Variants in IGFN1 observed in about 807,000 individuals in gnomAD.
IGFN1 encodes immunoglobulin like and fibronectin type III domain containing 1.
In IGFN1, 253 loss-of-function variants were observed where a neutral mutation model predicts 289.5. That is an observed-to-expected ratio of 0.87 (90% CI 0.79 to 0.97). IGFN1 has a LOEUF of 0.97. Ranked by LOEUF, IGFN1 falls within the 50% of genes least tolerant of loss-of-function variation. The pLI is 0.00. For synonymous variants in IGFN1, 1,706 were observed against 1,788.5 expected, an observed-to-expected ratio of 0.95 and a Z score of 1.16; for missense variants, 4,470 against 4,686.1, an observed-to-expected ratio of 0.95 and a Z score of 1.35.
At chr1:201,204,292 G>C (rs2102329677) in intron 10 of IGFN1, among the ~76,000 whole-genome samples, 1 of 152,324 alleles carries the variant, frequency 6.6e-6, no homozygotes, top group African/African-American at 2.4e-5. Flanking sequence ...CTCTGGGTTA[G>C]GCATCCTCAC....
rs552898000 is a variant in IGFN1, at chr1:201,220,899, G to A, written c.9899-545G>A. On this transcript the variant is annotated intron_variant, in intron 18 of 23. Transcript: ENST00000335211. The stretch of plus-strand genomic sequence containing the variant: ...TAAGCTCACCAGGTGATTCCAACGT[G>A]CAGCCAGACTTGAGGGCCAGAGCCC... Among the ~76,000 whole-genome samples, 45 of 152,308 alleles carry A rather than the reference G, an allele frequency of 3.0e-4. 2 individuals are homozygous for A. The highest frequency in any genetic ancestry group is 1.0e-3 in the African/African-American group (42 of 41,558).
intron 9 of IGFN1, among the ~76,000 whole-genome samples, chr1:201,202,363 A>G (rs141287777): frequency 7.3e-4 from 111 of 152,264 alleles, no homozygotes; most frequent in Non-Finnish European, 1.2e-3. Context: ...ACTGGGGATA[A>G]TATAGGACCT....
Position 201,207,301 on chromosome 1 carries a change from C to G in IGFN1, c.2408C>G (p.Ser803Trp). The G allele has an allele frequency of 6.5e-7, 1 of 1,536,636 alleles. No individual in the cohort carries two copies. The highest frequency in any genetic ancestry group is 1.7e-4 in the Middle Eastern group (1 of 5,990). ...GATGGCCAGGAAACAGCTTGGGCCT[C>G]GGGTGAGGTAGAGTATGACCCCAGA... ...GRDGQETAWA[S>W]GEVEYDPRSF... Residue 803 changes from serine (S) to tryptophan (W), a missense_variant, in exon 12 of 24, where the codon TCG (serine) becomes TGG (tryptophan). Physicochemically the swap from Ser to Trp is radical, Grantham distance 177. Transcript: ENST00000335211.
At chr1:201,217,075 C>T (rs1466922955) in intron 16 of IGFN1, among the ~76,000 whole-genome samples, 2 of 152,136 alleles carry the variant, frequency 1.3e-5, no homozygotes, top group African/African-American at 4.8e-5. Flanking sequence ...TGGTTCTAGG[C>T]TCCGAGGCTG....
chr1:201,200,457 A>C, intron 8 of IGFN1, 46 bp downstream of exon 8: 2 of 1,473,812 alleles, frequency 1.4e-6, no homozygotes, highest in Non-Finnish European at 9.3e-7. Context: ...CACCCCACAC[A>C]CCTGGACCAT....
intron 12 of IGFN1, among the ~76,000 whole-genome samples, chr1:201,213,931 G>A (rs575154024): frequency 6.6e-6 from 1 of 152,148 alleles, no homozygotes; most frequent in African/African-American, 2.4e-5. Flanking sequence ...GTGGCGGGGG[G>A]GCCCTTCATA....
intron 23 of IGFN1, 22 bp from the exon 24 acceptor site, chr1:201,228,364 T>G: frequency 6.2e-7 from 1 of 1,613,742 alleles, no homozygotes; most frequent in Non-Finnish European, 8.5e-7. Flanking sequence ...CTGAACCAAC[T>G]GGAATATCCT....
chr1:201,195,781 G>T, intron 3 of IGFN1, 58 bp from the exon 4 acceptor site: 1 of 1,493,152 alleles, frequency 6.7e-7, no homozygotes. Context: ...TTTAAATAAA[G>T]TATACAGTCA....
Position 201,207,073 on chromosome 1 carries a change from TC to T in IGFN1, c.2182del (p.Gln728ArgfsTer38), listed in dbSNP as rs1558141676. 6.5e-7 allele frequency: 1 copy of T among 1,536,936 alleles called. No individual in the cohort carries two copies. On this transcript the variant is annotated frameshift_variant, in exon 12 of 24. Transcript: ENST00000335211. LOFTEE classifies it high-confidence loss of function. The part of the protein sequence containing the change: ...LLEQIPGGKD[F>X]QEPSISGGRK... ...GAACAGATACCTGGAGGCAAGGACTTCCAGGAACCATCAATATCAGGTGGTA... is the reference window on the plus strand; with the variant it reads ...GAACAGATACCTGGAGGCAAGGACTTCAGGAACCATCAATATCAGGTGGTA...
chr1:201,222,816 G>A lies in IGFN1; in HGVS notation c.10279G>A (p.Val3427Ile), dbSNP rs114765060. 2.3e-4 allele frequency: 371 copies of A among 1,612,184 alleles called. No homozygotes were observed. The African/African-American group carries it at 3.6e-3, about 16-fold the overall frequency. ...GGTCGGGGACACAGTTCGTGTGCCC[G>A]TCTCCTTTGAAGTGAGTGTACCTGC... Reference protein sequence around the residue: ...VKVGDTVRVPVSFEAMPMPEV... With the variant: ...VKVGDTVRVPISFEAMPMPEV... Residue 3427 changes from valine to isoleucine, a missense_variant, in exon 20 of 24, where the codon GTC becomes ATC. Coordinates refer to ENST00000335211, the MANE Select transcript of IGFN1 (RefSeq NM_001164586.2).
At chr1:201,198,794 G>A (rs192784269) in intron 5 of IGFN1, among the ~76,000 whole-genome samples, 24 of 152,332 alleles carry the variant, frequency 1.6e-4, no homozygotes, top group Non-Finnish European at 3.1e-4. Context: ...GGTCAGGACA[G>A]TGTCACATGA....
rs535629425 is a variant in IGFN1, at chr1:201,224,981, G to T, written c.10486+107G>T. 5 of 758,738 alleles carry T rather than the reference G, an allele frequency of 6.6e-6. No individual in the cohort carries two copies. The South Asian group carries it at 1.1e-4, about 16-fold the overall frequency. 47.0% of individuals were successfully genotyped at this position (758,738 alleles called of 1,614,324 possible). A position where few individuals can be genotyped will look rare whatever the true frequency, so the allele number is the denominator to read the frequency against. On this transcript the variant is annotated intron_variant, in intron 21 of 23. Coordinates refer to ENST00000335211, the MANE Select transcript of IGFN1 (RefSeq NM_001164586.2). ...GGTCTCAGCCACTCTACCAGGGCTGGGTATGCAAAGTGACCATTCTCCACC... is the reference window on the plus strand; with the variant it reads ...GGTCTCAGCCACTCTACCAGGGCTGTGTATGCAAAGTGACCATTCTCCACC...
Position 201,212,597 on chromosome 1 carries a change from C to T in IGFN1, c.7704C>T (p.Gly2568=). The T allele has an allele frequency of 6.5e-7, 1 of 1,546,836 alleles. No individual in the cohort carries two copies. The highest frequency in any genetic ancestry group is 8.7e-7 in the Non-Finnish European group (1 of 1,144,930). Residue 2568 remains glycine, a synonymous_variant, in exon 12 of 24, where the codon GGC becomes GGT. Transcript: ENST00000335211. ...PGMTDRGRVA[G]QGGLASQGGG... ...TGACAGACAGGGGTAGAGTTGCTGGCCAGGGGGGGTTGGCATCTCAGGGAG... is the reference window on the plus strand; with the variant it reads ...TGACAGACAGGGGTAGAGTTGCTGGTCAGGGGGGGTTGGCATCTCAGGGAG...
Position 201,221,749 on chromosome 1 carries a change from G to C in IGFN1, c.10201+3G>C. On this transcript the variant is annotated splice_donor_region_variant and intron_variant, in intron 19 of 23. Coordinates refer to ENST00000335211, the MANE Select transcript of IGFN1 (RefSeq NM_001164586.2). ...AGTGCAAGCCATGCCTGTTACTGGT[G>C]AGTGCTGCCTCCTTCCCCGACCCCT... is the stretch of plus-strand genomic sequence containing the variant. 6.3e-7 allele frequency: 1 copy of C among 1,577,244 alleles called. No homozygotes were observed. The highest frequency in any genetic ancestry group is 1.3e-5 in the African/African-American group (1 of 74,586).
At position 201,214,823 on chromosome 1, in the gene IGFN1, T is replaced by C. The variant is rs529124561; in HGVS notation, c.8854-190T>C. On this transcript the variant is annotated intron_variant, in intron 13 of 23. Transcript: ENST00000335211. ...ATCTATAAAGTGGGACAAATAATAG[T>C]ACTTACTTCATAAGGCTGTTACGAC... 7.5e-4 allele frequency among the ~76,000 whole-genome samples: 115 copies of C among 152,338 alleles called. 3 individuals carry two copies. In the South Asian group the frequency reaches 0.024, roughly 32 times the overall value.
chr1:201,206,518 A>G lies in IGFN1; in HGVS notation c.1625A>G (p.Asp542Gly). ...GGCCTCCCAGAAAAACAACAGCAAGATCGTGGCAGAGACAGCAACAGTGAT... is the reference window on the plus strand; with the variant it reads ...GGCCTCCCAGAAAAACAACAGCAAGGTCGTGGCAGAGACAGCAACAGTGAT... ...GLGLPEKQQQ[D>G]RGRDSNSDEC... The change falls in exon 12 of 24, where the codon GAT (aspartate) becomes GGT (glycine). Residue 542 changes from aspartate to glycine, a missense_variant. Around this residue, in one of 8 missense-constraint regions of IGFN1, gnomAD observed 2,011 missense variants for 1,953.4 expected, o/e 1.03. Transcript: ENST00000335211. 6.4e-7 allele frequency: 1 copy of G among 1,551,260 alleles called. No homozygotes were observed. The highest frequency in any genetic ancestry group is 8.7e-7 in the Non-Finnish European group (1 of 1,146,980).
Position 201,221,429 on chromosome 1 carries a change from C to T in IGFN1, c.9899-15C>T, listed in dbSNP as rs772896172. ...CAGGAGATGCCATTCCTGACTCTCC[C>T]ATGGTGCCTGGCAGGACCCCCTGGG... On this transcript the variant is annotated splice_polypyrimidine_tract_variant and intron_variant, in intron 18 of 23. Coordinates refer to ENST00000335211, the MANE Select transcript of IGFN1 (RefSeq NM_001164586.2). The T allele has an allele frequency of 6.5e-7, 1 of 1,545,060 alleles. No homozygotes were observed. Among genetic ancestry groups the T allele is most frequent in the Non-Finnish European group, 8.8e-7 (1 of 1,141,884 alleles).
At position 201,213,394 on chromosome 1, in the gene IGFN1, G is replaced by T; in HGVS notation, c.8501G>T (p.Gly2834Val). 1.2e-6 allele frequency: 2 copies of T among 1,613,902 alleles called. No individual in the cohort carries two copies. The highest frequency in any genetic ancestry group is 1.7e-5 in the Admixed American group (1 of 59,984). Residue 2834 changes from glycine (G) to valine (V), a missense_variant, in exon 12 of 24, where the codon GGA becomes GTA. By Grantham distance (109) the Gly-to-Val change is moderately radical. Around this residue, in one of 8 missense-constraint regions of IGFN1, gnomAD observed 2,218 missense variants for 2,114.1 expected, o/e 1.05. Transcript: ENST00000335211. ...GAEVGGGKRR[G>V]ADEAGSMGWQ... ...GAGGTTGGAGGAGGAAAGAGAAGGG[G>T]AGCAGACGAGGCTGGAAGCATGGGG...
chr1:201,224,902 G>T, intron 21 of IGFN1, 28 bp downstream of exon 21: 1 of 1,577,862 alleles, frequency 6.3e-7, no homozygotes, highest in Non-Finnish European at 8.6e-7. Flanking sequence ...CTGGGCTCTG[G>T]ACGCTGGCTC....
Sources: allele counts gnomAD v4.1 joint callset (sites outside exome capture counted in the v4.1 genomes callset), GRCh38; gene constraint gnomAD v4.1.1; regional missense constraint gnomAD v4.1.1; transcripts MANE v1.5; gene names NCBI Gene and HGNC (gene_info 2026-07-23, HGNC 2026-07-21).